The following ZFYVE16 variants were observed in gnomAD, a reference collection of about 807,000 sequenced individuals.
ZFYVE16 encodes zinc finger FYVE-type containing 16, also known as zinc finger FYVE domain-containing protein 16.
In ZFYVE16, 89 loss-of-function variants were observed where a neutral mutation model predicts 138.1. The observed-to-expected ratio is 0.64, with a 90% CI of 0.54 to 0.77. The LOEUF (loss-of-function observed/expected upper bound fraction) is 0.77, where lower values mean the gene tolerates loss of function less well. Ranked by LOEUF, ZFYVE16 falls within the 30% of genes least tolerant of loss-of-function variation. The probability of loss-of-function intolerance (pLI) is 0.00; values close to 1 mark genes in which losing one functional copy is unlikely to be tolerated. For synonymous variants in ZFYVE16, 596 were observed against 618.3 expected (o/e 0.96, Z 0.53); for missense variants, 1,793 against 1,786.7 (o/e 1.00, Z -0.06).
rs112584124 is a variant in ZFYVE16, at chr5:80,451,305, A to C, written c.3383-180A>C. Among the ~76,000 whole-genome samples the C allele has an allele frequency of 5.3e-3, 804 of 152,302 alleles. 5 individuals are homozygous for C. Among genetic ancestry groups the C allele is most frequent in the African/African-American group, 0.018 (742 of 41,554 alleles). On this transcript the variant is annotated intron_variant, in intron 10 of 18. Coordinates refer to ENST00000505560, the MANE Select transcript of ZFYVE16 (RefSeq NM_001284236.3). ...TTTGTGTACAGAAGGTATTTAATAG[A>C]TGCTTTTGCAAGAACAGAAATAAGA...
chr5:80,430,084 C>T (rs190776376), intron 2 of ZFYVE16, among the ~76,000 whole-genome samples: 2 of 152,268 alleles, frequency 1.3e-5, no homozygotes, highest in Non-Finnish European at 2.9e-5. Flanking sequence ...CTGCACCAAG[C>T]GGACGTAATA....
chr5:80,466,894 C>T (rs1040384870), intron 15 of ZFYVE16, among the ~76,000 whole-genome samples: 25 of 152,182 alleles, frequency 1.6e-4, no homozygotes, highest in African/African-American at 6.0e-4. Flanking sequence ...GAATAGCAAG[C>T]TGTTATTTTA....
chr5:80,430,154 T>C (rs980396029), intron 2 of ZFYVE16, among the ~76,000 whole-genome samples: 1 of 152,182 alleles, frequency 6.6e-6, no homozygotes, highest in Non-Finnish European at 1.5e-5. Context: ...CACCACCACA[T>C]TGCACTTATT....
Position 80,437,842 on chromosome 5 carries a change from G to C in ZFYVE16, c.1157G>C (p.Gly386Ala). The change falls in exon 4 of 19, where the codon GGA becomes GCA. Residue 386 changes from glycine (G) to alanine (A), a missense_variant. This residue lies in a region of ZFYVE16 where 1,295 missense variants were observed against 1,204.3 expected (regional missense o/e 1.08). Coordinates refer to ENST00000505560, the MANE Select transcript of ZFYVE16 (RefSeq NM_001284236.3). The stretch of plus-strand genomic sequence containing the variant: ...CTTCCTGCGTCTGGGTCTATGTGTG[G>C]ATCATTAATTGAAAGTAAAGCACGG... ...SCLPASGSMCGSLIESKARGD... is the reference protein window; with the variant it reads ...SCLPASGSMCASLIESKARGD... 1 of 1,613,956 alleles carries C rather than the reference G, an allele frequency of 6.2e-7. No homozygotes were observed. Among genetic ancestry groups the C allele is most frequent in the Non-Finnish European group, 8.5e-7 (1 of 1,179,958 alleles).
chr5:80,476,905 G>A (rs1372875726), intron 18 of ZFYVE16, among the ~76,000 whole-genome samples: 2 of 151,778 alleles, frequency 1.3e-5, no homozygotes, highest in Non-Finnish European at 2.9e-5. Flanking sequence ...AATACCATGG[G>A]GTTTTTAATT....
At chr5:80,427,613 T>TTTTA (rs1283410193) in intron 2 of ZFYVE16, 68 bp downstream of exon 2, 1 of 146,240 alleles carries the variant, frequency 6.8e-6, no homozygotes, top group Non-Finnish European at 1.5e-5. Flanking sequence ...TCGTATGCTT[T>TTTTA]TTTTTTTTTT....
At chr5:80,432,467 T>TA (rs1749201936) in intron 2 of ZFYVE16, among the ~76,000 whole-genome samples, 1 of 152,088 alleles carries the variant, frequency 6.6e-6, no homozygotes, top group Non-Finnish European at 1.5e-5. Context: ...ATGTTAGACC[T>TA]AAAACTATAA....
intron 15 of ZFYVE16, among the ~76,000 whole-genome samples, chr5:80,471,870 AG>A (rs565027422): frequency 3.3e-4 from 51 of 152,300 alleles, no homozygotes; most frequent in African/African-American, 1.1e-3. Context: ...AGAAATCCTA[AG>A]GTGTTTACCG....
chr5:80,467,955 A>T lies in ZFYVE16; in HGVS notation c.4025-4806A>T, dbSNP rs574733259. On this transcript the variant is annotated intron_variant, in intron 15 of 18. Transcript: ENST00000505560. ...AGAAATGATCAAATTATAAGAAAAA[A>T]ATATATATAAATTCTGGAGTTCAAA... 1.2e-3 allele frequency among the ~76,000 whole-genome samples: 181 copies of T among 152,294 alleles called. 1 individual carries two copies. The highest frequency in any genetic ancestry group is 3.9e-3 in the African/African-American group (163 of 41,560).
chr5:80,451,804 A>G (rs754463507), intron 11 of ZFYVE16, 95 bp downstream of exon 11: 9 of 1,194,240 alleles, frequency 7.5e-6, no homozygotes, highest in Middle Eastern at 2.5e-4. Context: ...TAATGGATTA[A>G]TGGAACTACT....
chr5:80,429,941 A>G (rs1748738189), intron 2 of ZFYVE16, among the ~76,000 whole-genome samples: 1 of 152,214 alleles, frequency 6.6e-6, no homozygotes, highest in African/African-American at 2.4e-5. Flanking sequence ...TCATAAAGCA[A>G]GTTCTTAGAG....
Position 80,437,539 on chromosome 5 carries a change from C to T in ZFYVE16, c.854C>T (p.Ala285Val), listed in dbSNP as rs1441336726. The change falls in exon 4 of 19, where the codon GCA becomes GTA. Residue 285 changes from alanine (A) to valine (V), a missense_variant. Physicochemically the swap from Ala to Val is moderately conservative, Grantham distance 64. This residue lies in a region of ZFYVE16 where 1,295 missense variants were observed against 1,204.3 expected (regional missense o/e 1.08). Transcript: ENST00000505560. Reference protein sequence around the residue: ...VGLVKEEVDVAVITAAECLKE... With the variant: ...VGLVKEEVDVVVITAAECLKE... ...TTAGTAAAAGAGGAAGTAGATGTGG[C>T]AGTCATAACTGCCGCAGAATGTTTA... is the stretch of plus-strand genomic sequence containing the variant. The T allele has an allele frequency of 6.2e-7, 1 of 1,614,002 alleles. No homozygotes were observed. Among genetic ancestry groups the T allele is most frequent in the South Asian group, 1.1e-5 (1 of 91,044 alleles).
chr5:80,468,815 G>T (rs1274434659), intron 15 of ZFYVE16, among the ~76,000 whole-genome samples: 1 of 151,884 alleles, frequency 6.6e-6, no homozygotes, highest in Admixed American at 6.6e-5. Flanking sequence ...TAATTTATCT[G>T]TCGATTCTTT....
chr5:80,408,872 T>G (rs1417591072), intron 1 of ZFYVE16, among the ~76,000 whole-genome samples: 1 of 152,266 alleles, frequency 6.6e-6, no homozygotes, highest in Non-Finnish European at 1.5e-5. Flanking sequence ...ATAGGCACTT[T>G]GTTGATTCAA....
intron 15 of ZFYVE16, among the ~76,000 whole-genome samples, chr5:80,462,654 C>T (rs1753253487): frequency 6.6e-6 from 1 of 152,228 alleles, no homozygotes; most frequent in African/African-American, 2.4e-5. Flanking sequence ...GCAACAGTCT[C>T]CCAAAGTCTT....
intron 1 of ZFYVE16, among the ~76,000 whole-genome samples, chr5:80,423,352 G>A (rs1350512867): frequency 6.6e-6 from 1 of 151,778 alleles, no homozygotes; most frequent in African/African-American, 2.4e-5. Flanking sequence ...TTGTATCCGT[G>A]GCATCAGTAG....
Position 80,451,652 on chromosome 5 carries a change from C to A in ZFYVE16, c.3550C>A (p.Pro1184Thr), listed in dbSNP as rs1751999562. The change falls in exon 11 of 19, where the codon CCC (proline) becomes ACC (threonine). Residue 1184 changes from proline to threonine, a missense_variant. Physicochemically the swap from Pro to Thr is conservative, Grantham distance 38. Coordinates refer to ENST00000505560, the MANE Select transcript of ZFYVE16 (RefSeq NM_001284236.3). ...AATTCTTATCCAGAAGCTTGAGATT[C>A]CCTGGGCAAAGGTTTTTCCTATGCG... Reference protein sequence around the residue: ...CGILIQKLEIPWAKVFPMRLM... With the variant: ...CGILIQKLEITWAKVFPMRLM... 6.2e-7 allele frequency: 1 copy of A among 1,613,838 alleles called. No homozygotes were observed. Among genetic ancestry groups the A allele is most frequent in the Non-Finnish European group, 8.5e-7 (1 of 1,179,920 alleles).
chr5:80,468,612 C>T (rs933038661), intron 15 of ZFYVE16, among the ~76,000 whole-genome samples: 3 of 152,106 alleles, frequency 2.0e-5, no homozygotes, highest in Non-Finnish European at 4.4e-5. Flanking sequence ...TTTTGTGGTA[C>T]ATGACTTTAT....
Position 80,467,926 on chromosome 5 carries a change from C to A in ZFYVE16, c.4025-4835C>A, listed in dbSNP as rs186446107. Among the ~76,000 whole-genome samples, 234 of 152,072 alleles carry A rather than the reference C, an allele frequency of 1.5e-3. 1 individual carries two copies. The highest frequency in any genetic ancestry group is 0.013 in the Admixed American group (198 of 15,280). On this transcript the variant is annotated intron_variant, in intron 15 of 18. Transcript: ENST00000505560. Reference sequence around the variant, plus strand: ...CCAACCAAACAGAATATCAGTGAAGCAATAGAAATGATCAAATTATAAGAA... The same window carrying A: ...CCAACCAAACAGAATATCAGTGAAGAAATAGAAATGATCAAATTATAAGAA...
Sources: gnomAD v4.1 joint callset for allele counts (sites outside exome capture counted in the v4.1 genomes callset) on GRCh38, gnomAD v4.1.1 for gene constraint, gnomAD v4.1.1 regional missense constraint, MANE v1.5 for transcripts, NCBI Gene and HGNC (gene_info 2026-07-23, HGNC 2026-07-21) for gene names.